Variants in LRP1B observed in about 807,000 individuals in gnomAD.
LRP1B encodes the protein LDL receptor related protein 1B, also known as low-density lipoprotein receptor-related protein 1B.
A neutral mutation model predicts 556.6 loss-of-function variants in LRP1B; 217 were observed. The observed-to-expected ratio is 0.39, with a 90% CI of 0.35 to 0.44. The LOEUF is 0.44. Ranked by LOEUF, LRP1B falls within the 20% of genes least tolerant of loss-of-function variation. The pLI, the probability that LRP1B is intolerant of heterozygous loss-of-function variation, is 1.00. For missense variants in LRP1B, 5,053 were observed against 5,620.8 expected, an observed-to-expected ratio of 0.90 and a Z score of 3.23; for synonymous variants, 2,047 against 1,865.8, an observed-to-expected ratio of 1.10 and a Z score of -2.50.
intron 1 of LRP1B, among the ~76,000 whole-genome samples, chr2:142,068,022 G>A (rs960560495): frequency 2.6e-5 from 4 of 151,506 alleles, no homozygotes; most frequent in African/African-American, 9.7e-5. Flanking sequence ...AATCTTCCTA[G>A]CAGTCTAGGA....
chr2:141,198,880 A>G (rs950274873), intron 6 of LRP1B, among the ~76,000 whole-genome samples: 1 of 152,118 alleles, frequency 6.6e-6, no homozygotes, highest in Non-Finnish European at 1.5e-5. Context: ...CACATATTCA[A>G]TCTATCAATA....
intron 59 of LRP1B, among the ~76,000 whole-genome samples, chr2:140,482,066 A>T (rs1688268153): frequency 6.6e-6 from 1 of 152,098 alleles, no homozygotes; most frequent in South Asian, 2.1e-4. Flanking sequence ...TCTACCTTAA[A>T]AGTTATTGTA....
At chr2:140,347,213 A>G (rs1681729062) in intron 77 of LRP1B, among the ~76,000 whole-genome samples, 1 of 151,904 alleles carries the variant, frequency 6.6e-6, no homozygotes, top group East Asian at 1.9e-4. Flanking sequence ...TGGGTACTAA[A>G]ATTAACATTC....
chr2:141,660,988 G>A (rs1690197399), intron 2 of LRP1B, among the ~76,000 whole-genome samples: 1 of 152,102 alleles, frequency 6.6e-6, no homozygotes, highest in Non-Finnish European at 1.5e-5. Context: ...TTGCTGTTCT[G>A]CAGCCTCCAC....
intron 2 of LRP1B, among the ~76,000 whole-genome samples, chr2:141,788,910 T>C (rs1180296115): frequency 6.6e-6 from 1 of 152,142 alleles, no homozygotes; most frequent in African/African-American, 2.4e-5. Flanking sequence ...GGTGTATATG[T>C]GCCACATTTT....
At chr2:141,842,051 A>C (rs1241135981) in intron 1 of LRP1B, among the ~76,000 whole-genome samples, 7 of 152,120 alleles carry the variant, frequency 4.6e-5, no homozygotes, top group African/African-American at 9.7e-5. Context: ...GAGATCTGAA[A>C]ATTGTGATTT....
rs559448319 is a variant in LRP1B at position 141,204,766 on chromosome 2, G to A, written c.851-16183C>T. On this transcript the variant is annotated intron_variant, in intron 6 of 90. Coordinates refer to ENST00000389484, the MANE Select transcript of LRP1B (RefSeq NM_018557.3). ...CAGCTGGCCAAGATGGTGAAACCCC[G>A]TCTCTACTAAAAATACAAAAATTAG... Among the ~76,000 whole-genome samples, 63 of 151,994 alleles carry A rather than the reference G, an allele frequency of 4.1e-4. 1 individual carries two copies. The Middle Eastern group carries it at 0.02, about 49-fold the overall frequency.
At chr2:141,025,175 G>A (rs141536620) in intron 11 of LRP1B, among the ~76,000 whole-genome samples, 1 of 152,120 alleles carries the variant, frequency 6.6e-6, no homozygotes, top group African/African-American at 2.4e-5. Context: ...AATAATGTCT[G>A]CATTCCAGGC....
chr2:140,383,937 C>G (rs200722155), intron 67 of LRP1B, among the ~76,000 whole-genome samples: 1 of 152,138 alleles, frequency 6.6e-6, no homozygotes, highest in East Asian at 1.9e-4. Flanking sequence ...CACTGAGTTT[C>G]CACAGTGACA....
rs1703863073 is a variant in LRP1B, at chr2:142,035,972, A to AT, written c.82+94675dup. On this transcript the variant is annotated intron_variant, in intron 1 of 90. Coordinates refer to ENST00000389484, the MANE Select transcript of LRP1B (RefSeq NM_018557.3). ...CGGGTTTCCACTTTGCTTTTTCCTC[A>AT]TTTTCTCTTGTTGCCACCATGTAAG... 2.0e-5 allele frequency among the ~76,000 whole-genome samples: 3 copies of AT among 150,836 alleles called. No individual in the cohort carries two copies. In the South Asian group the frequency reaches 6.3e-4, roughly 32 times the overall value.
chr2:141,924,407 A>G (rs1700280066), intron 1 of LRP1B, among the ~76,000 whole-genome samples: 1 of 151,994 alleles, frequency 6.6e-6, no homozygotes, highest in Non-Finnish European at 1.5e-5. Context: ...CCTCACATTG[A>G]TCCTTCAAGC....
chr2:140,935,237 G>A (rs1007102947), intron 20 of LRP1B, among the ~76,000 whole-genome samples: 1 of 152,010 alleles, frequency 6.6e-6, no homozygotes, highest in African/African-American at 2.4e-5. Flanking sequence ...TAAAACAACT[G>A]GCTTAAAGAT....
At chr2:140,861,026 CTAATT>C (rs548904128) in intron 27 of LRP1B, among the ~76,000 whole-genome samples, 1 of 141,322 alleles carries the variant, frequency 7.1e-6, no homozygotes, top group East Asian at 2.1e-4. Flanking sequence ...ATCTATCTAT[CTAATT>C]TATCTAATTT....
chr2:140,317,424 G>A (rs1445589352), intron 82 of LRP1B, among the ~76,000 whole-genome samples: 1 of 151,764 alleles, frequency 6.6e-6, no homozygotes, highest in Non-Finnish European at 1.5e-5. Flanking sequence ...AGAAAAATGA[G>A]GAAAAATTAA....
chr2:141,442,970 T>C (rs1403114036), intron 3 of LRP1B, among the ~76,000 whole-genome samples: 1 of 152,140 alleles, frequency 6.6e-6, no homozygotes, highest in Non-Finnish European at 1.5e-5. Flanking sequence ...GGTCAAATGG[T>C]ATTTCTGGTT....
intron 2 of LRP1B, among the ~76,000 whole-genome samples, chr2:141,489,807 A>T (rs1419637625): frequency 1.3e-5 from 2 of 152,202 alleles, no homozygotes; most frequent in Non-Finnish European, 2.9e-5. Context: ...CAAGTAAAAC[A>T]ATATTAATTG....
chr2:141,834,270 A>G (rs1697197964), intron 1 of LRP1B, among the ~76,000 whole-genome samples: 1 of 151,918 alleles, frequency 6.6e-6, no homozygotes, highest in Non-Finnish European at 1.5e-5. Flanking sequence ...CTTAATGAAC[A>G]CTTCGGAGAA....
intron 41 of LRP1B, among the ~76,000 whole-genome samples, chr2:140,666,441 T>A (rs1380127649): frequency 6.6e-6 from 1 of 152,078 alleles, no homozygotes; most frequent in Non-Finnish European, 1.5e-5. Flanking sequence ...AACTCCTCTG[T>A]CTTATGTAGT....
At chr2:140,677,156 A>T (rs114414748) in intron 41 of LRP1B, among the ~76,000 whole-genome samples, 2,076 of 152,302 alleles carry the variant, frequency 0.014, 42 homozygotes, top group Admixed American at 0.046. Flanking sequence ...AGGAGAAATA[A>T]ATTTTCAGAT....
Sources: allele counts gnomAD v4.1 joint callset (sites outside exome capture counted in the v4.1 genomes callset), GRCh38; gene constraint gnomAD v4.1.1; transcripts MANE v1.5; gene names NCBI Gene and HGNC (gene_info 2026-07-23, HGNC 2026-07-21).